Variants in SIK2 observed in about 807,000 individuals in gnomAD.
SIK2 encodes serine/threonine-protein kinase SIK2.
In SIK2, 29 loss-of-function variants were observed where a neutral mutation model predicts 103.2. The observed-to-expected ratio is 0.28, with a 90% CI of 0.21 to 0.38. The LOEUF (loss-of-function observed/expected upper bound fraction) is 0.38. Ranked by LOEUF, SIK2 falls within the 10% of genes least tolerant of loss-of-function variation. The pLI is 1.00. For synonymous variants in SIK2, 412 were observed against 446.1 expected (o/e 0.92, Z 0.96); for missense variants, 879 against 1,171.0 (o/e 0.75, Z 3.64).
At chr11:111,685,391 CAT>C (rs982761259) in intron 3 of SIK2, among the ~76,000 whole-genome samples, 15 of 152,208 alleles carry the variant, frequency 9.9e-5, no homozygotes, top group African/African-American at 3.4e-4. Context: ...TGTGTATACA[CAT>C]GTGTGTGTAC....
rs56000295 is a variant in SIK2 at position 111,723,514 on chromosome 11, C to T, written c.2166C>T (p.Leu722=). The T allele has an allele frequency of 4.8e-4, 769 of 1,603,382 alleles. 1 individual carries two copies. The highest frequency in any genetic ancestry group is 6.0e-4 in the Non-Finnish European group (698 of 1,172,868). The change falls in exon 15 of 15, where the codon CTC becomes CTT. Residue 722 remains leucine, a synonymous_variant. Coordinates refer to ENST00000304987, the MANE Select transcript of SIK2 (RefSeq NM_015191.3). ...LQEHRLQQKR[L]FLQKQSQLQA... ...AATTTAGGCTCCAGCAGAAGCGACT[C>T]TTTCTTCAGAAGCAGTCTCAACTGC...
Position 111,722,890 on chromosome 11 carries a change from T to TTAGTAATCGTGCTCA in SIK2, c.2147+134_2147+135insTAGTAATCGTGCTCA. The TTAGTAATCGTGCTCA allele has an allele frequency of 1.4e-6, 1 of 729,374 alleles. No homozygotes were observed. Among genetic ancestry groups the TTAGTAATCGTGCTCA allele is most frequent in the Non-Finnish European group, 2.3e-6 (1 of 441,214 alleles). The allele number at this position is 729,374 out of a possible 1,614,324, so 45.2% of individuals were successfully genotyped here. On this transcript the variant is annotated intron_variant, in intron 14 of 14. Transcript: ENST00000304987. This position sits in a 1 kb window ranked among gnomAD's most constrained non-coding sequence, Gnocchi z 4.4. The stretch of plus-strand genomic sequence containing the variant: ...TTTTCTGCGTGTGTCACAGGCCCTC[T>TTAGTAATCGTGCTCA]GAGCACGATTACTAAGAGGATATCT...
intron 3 of SIK2, among the ~76,000 whole-genome samples, chr11:111,651,186 T>TCTGTAGCTACA (rs1388381755): frequency 6.6e-6 from 1 of 152,172 alleles, no homozygotes. Context: ...AGTGTAGCAA[T>TCTGTAGCTACA]CTGTAGGAAT....
At chr11:111,680,558 G>A (rs1222311046) in intron 3 of SIK2, among the ~76,000 whole-genome samples, 2 of 151,888 alleles carry the variant, frequency 1.3e-5, no homozygotes, top group Non-Finnish European at 2.9e-5. Context: ...TTAATCTTTT[G>A]TGCTGTTATT....
chr11:111,646,138 A>G (rs1942253045), intron 3 of SIK2, among the ~76,000 whole-genome samples: 1 of 151,884 alleles, frequency 6.6e-6, no homozygotes, highest in African/African-American at 2.4e-5. Flanking sequence ...ATTGACATAC[A>G]ATAAACTATG....
chr11:111,633,571 T>C lies in SIK2; in HGVS notation c.316+13169T>C, dbSNP rs572698493. ...TGGTTTACTCTTCACGAGATAAACA[T>C]GAACGAGGAAATACTAACTGAATCA... On this transcript the variant is annotated intron_variant, in intron 3 of 14. Coordinates refer to ENST00000304987, the MANE Select transcript of SIK2 (RefSeq NM_015191.3). Among the ~76,000 whole-genome samples, 250 of 152,290 alleles carry C rather than the reference T, an allele frequency of 1.6e-3. 1 individual carries two copies. The highest frequency in any genetic ancestry group is 2.8e-3 in the Non-Finnish European group (193 of 68,022).
At chr11:111,653,002 C>T (rs80040680) in intron 3 of SIK2, among the ~76,000 whole-genome samples, 243 of 152,272 alleles carry the variant, frequency 1.6e-3, no homozygotes, top group Admixed American at 2.5e-3. Context: ...TCCTAGGTCC[C>T]ATACCAGACC....
At chr11:111,623,252 C>G (rs1941918320) in intron 3 of SIK2, among the ~76,000 whole-genome samples, 1 of 152,010 alleles carries the variant, frequency 6.6e-6, no homozygotes, top group Non-Finnish European at 1.5e-5. Flanking sequence ...TTTTTTAATG[C>G]CTTCCATGTC....
rs529278329 is a variant in SIK2 at position 111,661,715 on chromosome 11, A to G, written c.317-26286A>G. On this transcript the variant is annotated intron_variant, in intron 3 of 14. Coordinates refer to ENST00000304987, the MANE Select transcript of SIK2 (RefSeq NM_015191.3). Reference sequence around the variant, plus strand: ...TCCACATGGCCAGGGAGGCCTTACAATCATGGCAGAAGGCGAAGGAGGAGC... The same window carrying G: ...TCCACATGGCCAGGGAGGCCTTACAGTCATGGCAGAAGGCGAAGGAGGAGC... Among the ~76,000 whole-genome samples, 4 of 152,352 alleles carry G rather than the reference A, an allele frequency of 2.6e-5. No individual in the cohort carries two copies. In the South Asian group the frequency reaches 6.2e-4, roughly 24 times the overall value.
chr11:111,605,650 A>G (rs1209067079), intron 1 of SIK2, among the ~76,000 whole-genome samples: 1 of 152,190 alleles, frequency 6.6e-6, no homozygotes, highest in East Asian at 1.9e-4. Flanking sequence ...TTAATCATCT[A>G]TGTAATGAGC....
chr11:111,620,126 G>A (rs563694042), intron 2 of SIK2, among the ~76,000 whole-genome samples: 1 of 152,130 alleles, frequency 6.6e-6, no homozygotes, highest in Non-Finnish European at 1.5e-5. Context: ...ACTACTGCTG[G>A]TCCAAGGACC....
At position 111,687,985 on chromosome 11, in the gene SIK2, C is replaced by T; in HGVS notation, c.317-16C>T. Reference sequence around the variant, plus strand: ...TTATTTTGGTGACTAATTCTTAATCCTCTCTTCATTTACAGACTATCTTGC... The same window carrying T: ...TTATTTTGGTGACTAATTCTTAATCTTCTCTTCATTTACAGACTATCTTGC... On this transcript the variant is annotated splice_polypyrimidine_tract_variant and intron_variant, in intron 3 of 14. Transcript: ENST00000304987. 1 of 1,610,818 alleles carries T rather than the reference C, an allele frequency of 6.2e-7. No homozygotes were observed. Among genetic ancestry groups the T allele is most frequent in the Non-Finnish European group, 8.5e-7 (1 of 1,178,798 alleles).
At chr11:111,644,850 G>C (rs1692802902) in intron 3 of SIK2, among the ~76,000 whole-genome samples, 1 of 152,140 alleles carries the variant, frequency 6.6e-6, no homozygotes, top group South Asian at 2.1e-4. Flanking sequence ...TTGAGTCACT[G>C]AGTAACGCAG....
intron 9 of SIK2, among the ~76,000 whole-genome samples, chr11:111,719,333 T>C (rs1299455089): frequency 1.6e-5 from 2 of 127,850 alleles, no homozygotes; most frequent in South Asian, 2.9e-4. Context: ...GTTGAAAAAA[T>C]AGAAGAATCT....
At chr11:111,646,786 T>A (rs1942263449) in intron 3 of SIK2, among the ~76,000 whole-genome samples, 1 of 152,246 alleles carries the variant, frequency 6.6e-6, no homozygotes, top group African/African-American at 2.4e-5. Context: ...GATGCTTGTA[T>A]CTGTGATTCA....
chr11:111,691,311 T>C (rs1942937041), intron 4 of SIK2, among the ~76,000 whole-genome samples: 2 of 152,226 alleles, frequency 1.3e-5, no homozygotes, highest in Admixed American at 1.3e-4. Flanking sequence ...GAAGACAGTG[T>C]GATGACTCAC....
chr11:111,668,181 T>A (rs568338339), intron 3 of SIK2, among the ~76,000 whole-genome samples: 48 of 145,066 alleles, frequency 3.3e-4, no homozygotes, highest in African/African-American at 1.3e-3. Context: ...AAGTAAGGAG[T>A]GTGTGTGTGT....
intron 3 of SIK2, among the ~76,000 whole-genome samples, chr11:111,662,773 G>A (rs1451486927): frequency 2.0e-5 from 3 of 151,970 alleles, no homozygotes; most frequent in South Asian, 4.1e-4. Flanking sequence ...AGTTACTTGG[G>A]GGGCTGAGGC....
chr11:111,628,125 G>A (rs759493493), intron 3 of SIK2, among the ~76,000 whole-genome samples: 3 of 152,178 alleles, frequency 2.0e-5, no homozygotes, highest in Non-Finnish European at 4.4e-5. Flanking sequence ...GTGAATGGAT[G>A]TGTCCAACTA....
Sources: gnomAD v4.1 joint callset for allele counts (sites outside exome capture counted in the v4.1 genomes callset) on GRCh38, gnomAD v4.1.1 for gene constraint, Gnocchi (gnomAD v3.1) non-coding constraint, MANE v1.5 for transcripts, NCBI Gene and HGNC (gene_info 2026-07-23, HGNC 2026-07-21) for gene names.